STPG2: variants seen among roughly 807,000 people sequenced by gnomAD.
The protein encoded by STPG2 is sperm-tail PG-rich repeat-containing protein 2.
A neutral mutation model predicts 54.2 loss-of-function variants in STPG2; 56 were observed. That is an observed-to-expected ratio of 1.03 (90% CI 0.83 to 1.29). The LOEUF (loss-of-function observed/expected upper bound fraction) is 1.29, where lower values mean the gene tolerates loss of function less well. Among genes scored for constraint, STPG2 ranks in the 50% most tolerant of loss-of-function variants. The probability of loss-of-function intolerance (pLI) is 0.00; values close to 1 mark genes in which losing one functional copy is unlikely to be tolerated. For synonymous variants in STPG2, 200 were observed against 181.8 expected (o/e 1.10, Z -0.81); for missense variants, 596 against 544.9 (o/e 1.09, Z -0.93).
intron 9 of STPG2, among the ~76,000 whole-genome samples, chr4:97,795,747 T>C (rs1727150242): frequency 6.6e-6 from 1 of 152,224 alleles, no homozygotes; most frequent in Non-Finnish European, 1.5e-5. Flanking sequence ...ATGGTATTTC[T>C]AGTTCTAGAT....
chr4:97,929,793 A>T (rs1192139218), intron 8 of STPG2, among the ~76,000 whole-genome samples: 2 of 152,160 alleles, frequency 1.3e-5, no homozygotes, highest in African/African-American at 2.4e-5. Context: ...TCAGACGGGT[A>T]GATTGCAATA....
chr4:97,584,733 G>T (rs575338385), intron 10 of STPG2, among the ~76,000 whole-genome samples: 2 of 151,680 alleles, frequency 1.3e-5, no homozygotes, highest in South Asian at 4.2e-4. Context: ...ATCATTCAAG[G>T]CTACTATGAA....
chr4:97,631,772 G>A (rs1369189050), intron 10 of STPG2, among the ~76,000 whole-genome samples: 1 of 152,084 alleles, frequency 6.6e-6, no homozygotes, highest in Admixed American at 6.6e-5. Flanking sequence ...TTGTTGAGTT[G>A]TCAGAATAAG....
chr4:97,749,995 A>G (rs968625227), intron 9 of STPG2, among the ~76,000 whole-genome samples: 2 of 151,798 alleles, frequency 1.3e-5, no homozygotes, highest in Non-Finnish European at 2.9e-5. Context: ...AAACTACTTT[A>G]TATGTTATTT....
intron 9 of STPG2, among the ~76,000 whole-genome samples, chr4:97,745,267 A>AC (rs1725388636): frequency 7.9e-6 from 1 of 125,860 alleles, no homozygotes; most frequent in South Asian, 2.6e-4. Flanking sequence ...AAAAAACAAA[A>AC]AAAAAAACAA....
At chr4:97,946,982 C>T (rs1733252131) in intron 7 of STPG2, among the ~76,000 whole-genome samples, 1 of 152,064 alleles carries the variant, frequency 6.6e-6, no homozygotes, top group African/African-American at 2.4e-5. Flanking sequence ...TTGCTTTGGG[C>T]AGTATGGTCA....
At chr4:97,943,791 C>A (rs969011318) in intron 8 of STPG2, 106 bp downstream of exon 8, 5 of 764,696 alleles carry the variant, frequency 6.5e-6, no homozygotes, top group Non-Finnish European at 1.0e-5. Flanking sequence ...GAGGTTACAG[C>A]ACGCTACCAG....
intron 5 of STPG2, among the ~76,000 whole-genome samples, chr4:98,043,867 C>T (rs1267999705): frequency 1.3e-5 from 2 of 151,866 alleles, no homozygotes; most frequent in African/African-American, 2.4e-5. Flanking sequence ...TTTTTTGTCA[C>T]CCAGGCACTA....
intron 10 of STPG2, among the ~76,000 whole-genome samples, chr4:97,676,973 A>T (rs1188321703): frequency 6.6e-6 from 1 of 152,172 alleles, no homozygotes; most frequent in Non-Finnish European, 1.5e-5. Flanking sequence ...AGTTACTCAT[A>T]TGAACAACTT....
At chr4:97,895,268 A>G (rs750802302) in intron 8 of STPG2, among the ~76,000 whole-genome samples, 5 of 151,906 alleles carry the variant, frequency 3.3e-5, no homozygotes, top group African/African-American at 9.7e-5. Flanking sequence ...CTAAAACATG[A>G]CAAAGGAAAC....
chr4:97,624,600 G>T (rs893216414), intron 10 of STPG2, among the ~76,000 whole-genome samples: 1 of 151,988 alleles, frequency 6.6e-6, no homozygotes, highest in Non-Finnish European at 1.5e-5. Context: ...AGTTTCTTTT[G>T]CTGTGCAAAA....
rs1740356630 is a variant in STPG2 at position 98,143,289 on chromosome 4, A to T, written c.-139T>A. On this transcript the variant is annotated 5_prime_UTR_variant, in exon 1 of 11. Coordinates refer to ENST00000295268, the MANE Select transcript of STPG2 (RefSeq NM_174952.3). ...AAGAACTTCCGTAAACAGGGAAATT[A>T]GGGGTGGGGTTGTCTCCCCGCCCGC... 5 of 628,082 alleles carry T rather than the reference A, an allele frequency of 8.0e-6. No homozygotes were observed. In the East Asian group the frequency reaches 1.4e-4, roughly 17 times the overall value. The allele number at this position is 628,082 out of a possible 1,614,324, so 38.9% of individuals were successfully genotyped here.
intron 9 of STPG2, among the ~76,000 whole-genome samples, chr4:97,733,730 C>T (rs1029335417): frequency 2.0e-5 from 3 of 152,114 alleles, no homozygotes; most frequent in Admixed American, 6.6e-5. Context: ...GGTGCTGGTC[C>T]GGTTGCTCAG....
chr4:97,763,313 C>T (rs1013126644), intron 9 of STPG2, among the ~76,000 whole-genome samples: 1 of 152,084 alleles, frequency 6.6e-6, no homozygotes, highest in Non-Finnish European at 1.5e-5. Context: ...GCTGCCCTAA[C>T]CTTGCACCTT....
At chr4:97,938,907 G>T (rs1732865676) in intron 8 of STPG2, among the ~76,000 whole-genome samples, 1 of 151,654 alleles carries the variant, frequency 6.6e-6, no homozygotes, top group Non-Finnish European at 1.5e-5. Context: ...GGCCATCTTG[G>T]GTCTGCCCCT....
downstream of STPG2, among the ~76,000 whole-genome samples, chr4:97,557,151 A>C (rs901813419): frequency 1.3e-5 from 2 of 152,230 alleles, no homozygotes; most frequent in East Asian, 3.9e-4. Context: ...ATTGCACTCC[A>C]GCCTGGTGAT....
At chr4:97,598,897 GCAA>G (rs745517085) in intron 10 of STPG2, among the ~76,000 whole-genome samples, 9 of 151,924 alleles carry the variant, frequency 5.9e-5, no homozygotes, top group Non-Finnish European at 1.0e-4. Context: ...AAAAGCAACT[GCAA>G]CAACAACAAC....
intron 1 of STPG2, among the ~76,000 whole-genome samples, chr4:98,142,481 A>G (rs1266511314): frequency 6.6e-6 from 1 of 152,216 alleles, no homozygotes; most frequent in Admixed American, 6.5e-5. Context: ...ACTGGTCAAA[A>G]ATATAATTTT....
At chr4:97,890,208 C>A (rs1730715625) in intron 8 of STPG2, among the ~76,000 whole-genome samples, 1 of 151,900 alleles carries the variant, frequency 6.6e-6, no homozygotes, top group African/African-American at 2.4e-5. Context: ...TCAGGTCTAC[C>A]AGGATTACCA....
Sources: allele counts gnomAD v4.1 joint callset (sites outside exome capture counted in the v4.1 genomes callset), GRCh38; gene constraint gnomAD v4.1.1; transcripts MANE v1.5; gene names NCBI Gene and HGNC (gene_info 2026-07-23, HGNC 2026-07-21).